CELF4: variants seen among roughly 807,000 people sequenced by gnomAD.
The protein encoded by CELF4 is CUGBP Elav-like family member 4, also known as CUG-BP- and ETR-3-like factor 4.
In CELF4, 18 loss-of-function variants were observed where a neutral mutation model predicts 59.9. That is an observed-to-expected ratio of 0.30 (90% CI 0.21 to 0.45). CELF4 has a LOEUF of 0.45. Among genes scored for constraint, CELF4 ranks in the 20% least tolerant of loss-of-function variants. The pLI is 1.00. For missense variants in CELF4, 456 were observed against 689.0 expected, an observed-to-expected ratio of 0.66 and a Z score of 3.79; for synonymous variants, 261 against 267.1, an observed-to-expected ratio of 0.98 and a Z score of 0.22.
At chr18:37,334,343 C>T (rs562514840) in intron 2 of CELF4, among the ~76,000 whole-genome samples, 61 of 152,286 alleles carry the variant, frequency 4.0e-4, no homozygotes, top group African/African-American at 1.4e-3. Flanking sequence ...ACTCCCAGGC[C>T]TCCCTTCACC....
At chr18:37,380,559 C>A (rs887630710) in intron 2 of CELF4, among the ~76,000 whole-genome samples, 4 of 152,060 alleles carry the variant, frequency 2.6e-5, no homozygotes, top group African/African-American at 9.7e-5. Context: ...TCTATCCATT[C>A]TTCCATCCAT....
At chr18:37,337,755 A>C (rs1192804834) in intron 2 of CELF4, among the ~76,000 whole-genome samples, 2 of 152,196 alleles carry the variant, frequency 1.3e-5, no homozygotes, top group Non-Finnish European at 2.9e-5. Context: ...GCTCATGCTC[A>C]AGTTTACCAG....
chr18:37,383,330 T>G (rs556809342), intron 2 of CELF4, among the ~76,000 whole-genome samples: 1 of 152,132 alleles, frequency 6.6e-6, no homozygotes, highest in Non-Finnish European at 1.5e-5. Flanking sequence ...AATGGCCCTG[T>G]CCCTGTCCTG....
At chr18:37,282,872 C>T (rs1293868433) in intron 3 of CELF4, among the ~76,000 whole-genome samples, 1 of 152,184 alleles carries the variant, frequency 6.6e-6, no homozygotes, top group Non-Finnish European at 1.5e-5. Flanking sequence ...ACACACTCCC[C>T]TTCCCTCCAC....
chr18:37,338,759 CGTGTGTGT>C (rs60532435), intron 2 of CELF4, among the ~76,000 whole-genome samples: 6 of 145,572 alleles, frequency 4.1e-5, no homozygotes, highest in African/African-American at 5.1e-5. Context: ...ATGCAGGAGC[CGTGTGTGT>C]GTGTGTGTGT....
intron 2 of CELF4, among the ~76,000 whole-genome samples, chr18:37,337,178 A>C (rs76753024): frequency 0.016 from 2,423 of 152,264 alleles, 61 homozygotes; most frequent in African/African-American, 0.056. Context: ...TCTGGTGAGC[A>C]GGACAGGAAG....
chr18:37,560,665 A>G (rs1405680079), intron 1 of CELF4, among the ~76,000 whole-genome samples: 1 of 152,200 alleles, frequency 6.6e-6, no homozygotes, highest in Non-Finnish European at 1.5e-5. Flanking sequence ...TATTTTTCAA[A>G]GTAATTAAAA....
chr18:37,458,171 A>G (rs1302206842), intron 2 of CELF4, among the ~76,000 whole-genome samples: 2 of 152,228 alleles, frequency 1.3e-5, no homozygotes, highest in African/African-American at 4.8e-5. Flanking sequence ...GGGTGGCAGC[A>G]TTCTGTGCTG....
Position 37,565,595 on chromosome 18 carries a change from G to C in CELF4, c.47C>G (p.Ala16Gly). The C allele has an allele frequency of 6.2e-7, 1 of 1,610,518 alleles. No homozygotes were observed. The highest frequency in any genetic ancestry group is 8.5e-7 in the Non-Finnish European group (1 of 1,177,838). The change falls in exon 1 of 13, where the codon GCA becomes GGA. Residue 16 changes from alanine (A) to glycine (G), a missense_variant. Ala to Gly is a moderately conservative substitution (Grantham distance 60). Coordinates refer to ENST00000420428, the MANE Select transcript of CELF4 (RefSeq NM_020180.4). ...GCCGAGCCCGTTGGTACTGAGGCTT[G>C]CGTTGTCAGCCTGTCCGTTTGCTAA... Reference protein sequence around the residue: ...ATLANGQADNASLSTNGLGSS... With the variant: ...ATLANGQADNGSLSTNGLGSS...
At chr18:37,284,677 C>T (rs1337233339) in intron 3 of CELF4, among the ~76,000 whole-genome samples, 5 of 152,222 alleles carry the variant, frequency 3.3e-5, no homozygotes, top group South Asian at 2.1e-4. Context: ...CCCATGGCTG[C>T]GGCTCTGACT....
chr18:37,419,540 G>A (rs1257606338), intron 2 of CELF4, among the ~76,000 whole-genome samples: 2 of 152,170 alleles, frequency 1.3e-5, no homozygotes, highest in African/African-American at 4.8e-5. Context: ...GGCATTCCTG[G>A]AAGATGGATG....
intron 2 of CELF4, among the ~76,000 whole-genome samples, chr18:37,407,017 C>T (rs1035143538): frequency 2.0e-5 from 3 of 152,140 alleles, no homozygotes; most frequent in African/African-American, 7.2e-5. Context: ...CTTTGTTAGA[C>T]CTCAGGAAAG....
rs115111023 is a variant in CELF4, at chr18:37,448,656, C to T, written c.369+36869G>A. 4.5e-3 allele frequency among the ~76,000 whole-genome samples: 685 copies of T among 152,344 alleles called. 5 individuals are homozygous for T. The highest frequency in any genetic ancestry group is 0.016 in the African/African-American group (655 of 41,580). On this transcript the variant is annotated intron_variant, in intron 2 of 12. Transcript: ENST00000420428. ...GGGAACTGCCGTGAGCTGCTCTGAC[C>T]GCCTTCAAGGGCACTGCCAGGAATA...
At chr18:37,435,055 T>C (rs2099686021) in intron 2 of CELF4, among the ~76,000 whole-genome samples, 1 of 152,102 alleles carries the variant, frequency 6.6e-6, no homozygotes, top group African/African-American at 2.4e-5. Context: ...CTCTAGTAAC[T>C]GTTCTCTTCC....
rs562257701 is a variant in CELF4 at position 37,487,964 on chromosome 18, C to T, written c.287-2357G>A. 9.2e-5 allele frequency among the ~76,000 whole-genome samples: 14 copies of T among 152,146 alleles called. 2 individuals are homozygous for T. Among genetic ancestry groups the T allele is most frequent in the Admixed American group, 7.8e-4 (12 of 15,296 alleles). ...CAGACCTTGGGTGACCTCCCCCTGC[C>T]GTCTCCACCCCCTGAATTTATCTCC... On this transcript the variant is annotated intron_variant, in intron 1 of 12. Transcript: ENST00000420428.
chr18:37,494,954 C>T (rs1028102824), intron 1 of CELF4, among the ~76,000 whole-genome samples: 1 of 152,204 alleles, frequency 6.6e-6, no homozygotes, highest in African/African-American at 2.4e-5. Flanking sequence ...TGGTGCCTGT[C>T]CTTCCTCTAT....
At chr18:37,251,594 G>A (rs1321741202) in intron 12 of CELF4, among the ~76,000 whole-genome samples, 1 of 152,128 alleles carries the variant, frequency 6.6e-6, no homozygotes, top group Non-Finnish European at 1.5e-5. Context: ...TCTCATTAAT[G>A]AGAAAAAAGA....
chr18:37,379,397 C>T (rs911152846), intron 2 of CELF4, among the ~76,000 whole-genome samples: 2 of 144,270 alleles, frequency 1.4e-5, no homozygotes, highest in Non-Finnish European at 3.0e-5. Context: ...CTTCCAATTA[C>T]GTGTTAATGA....
chr18:37,274,086 AAGACAGC>A, intron 6 of CELF4: 1 of 1,376,144 alleles, frequency 7.3e-7, no homozygotes, highest in South Asian at 1.7e-5. Flanking sequence ...CCTTAGAACT[AAGACAGC>A]AGCCCACCTC....
Sources: gnomAD v4.1 joint callset for allele counts (sites outside exome capture counted in the v4.1 genomes callset) on GRCh38, gnomAD v4.1.1 for gene constraint, MANE v1.5 for transcripts, NCBI Gene and HGNC (gene_info 2026-07-23, HGNC 2026-07-21) for gene names.